Variants in ARMH3 observed in about 807,000 individuals in gnomAD.
ARMH3 encodes armadillo like helical domain containing 3.
A neutral mutation model predicts 99.1 loss-of-function variants in ARMH3; 60 were observed. The observed-to-expected ratio is 0.61, with a 90% CI of 0.49 to 0.75. The LOEUF is 0.75. ARMH3 is among the 30% of genes least tolerant of loss of function. The pLI is 0.00. For missense variants in ARMH3, 679 were observed against 843.1 expected (o/e 0.81, Z 2.41); for synonymous variants, 285 against 292.8 (o/e 0.97, Z 0.27).
At chr10:101,968,932 T>C (rs1232280838) in intron 20 of ARMH3, among the ~76,000 whole-genome samples, 3 of 152,188 alleles carry the variant, frequency 2.0e-5, no homozygotes, top group African/African-American at 2.4e-5. Flanking sequence ...TTGAGAGGAA[T>C]TGATCACCCA....
Position 101,935,789 on chromosome 10 carries a change from T to C in ARMH3, c.1781+4074A>G, listed in dbSNP as rs142689311. The stretch of plus-strand genomic sequence containing the variant: ...TTTTCAGGTGTGGGATCAGCACAAA[T>C]ACCTTTTATAAACAGCAGAAACAAA... On this transcript the variant is annotated intron_variant, in intron 23 of 25. Coordinates refer to ENST00000370033, the MANE Select transcript of ARMH3 (RefSeq NM_024541.3). Among the ~76,000 whole-genome samples, 116 of 152,320 alleles carry C rather than the reference T, an allele frequency of 7.6e-4. 2 individuals carry two copies. The highest frequency in any genetic ancestry group is 5.6e-3 in the Admixed American group (86 of 15,298).
intron 22 of ARMH3, among the ~76,000 whole-genome samples, chr10:101,946,983 T>C (rs139270603): frequency 0.059 from 8,852 of 149,960 alleles, 277 homozygotes; most frequent in African/African-American, 0.069. Context: ...AGGTCAGGAG[T>C]TCAAGACCAG....
chr10:101,945,919 C>T (rs974769931), intron 22 of ARMH3, among the ~76,000 whole-genome samples: 1 of 151,192 alleles, frequency 6.6e-6, no homozygotes. Flanking sequence ...CCCATCTCTA[C>T]TAAAATACAA....
chr10:101,951,867 CA>C (rs1248699204), intron 22 of ARMH3, among the ~76,000 whole-genome samples: 118 of 43,784 alleles, frequency 2.7e-3, no homozygotes, highest in Admixed American at 5.4e-3. Flanking sequence ...GACTCCGTCT[CA>C]AAAAAAAAAA....
At chr10:101,985,144 TATAA>T (rs1274049733) in intron 19 of ARMH3, among the ~76,000 whole-genome samples, 2 of 150,544 alleles carry the variant, frequency 1.3e-5, no homozygotes, top group East Asian at 3.9e-4. Context: ...TGTGTACATA[TATAA>T]ATATAATGTA....
chr10:101,959,282 T>C (rs1430680363), intron 20 of ARMH3, among the ~76,000 whole-genome samples: 1 of 152,156 alleles, frequency 6.6e-6, no homozygotes, highest in East Asian at 1.9e-4. Context: ...ACTTCCCTCC[T>C]TAAAGAAGAT....
intron 20 of ARMH3, among the ~76,000 whole-genome samples, chr10:101,966,208 C>A (rs1417232669): frequency 3.4e-5 from 5 of 146,814 alleles, no homozygotes; most frequent in African/African-American, 1.3e-4. Flanking sequence ...CGGGTTCAAG[C>A]GATTCTTGTG....
intron 23 of ARMH3, among the ~76,000 whole-genome samples, chr10:101,904,950 C>CAAAAA (rs34831483): frequency 3.3e-5 from 3 of 91,504 alleles, no homozygotes; most frequent in Admixed American, 1.2e-4. Flanking sequence ...GACTCCATCT[C>CAAAAA]AAAAAAAAAA....
chr10:101,985,180 GAATA>G (rs973243116), intron 19 of ARMH3, among the ~76,000 whole-genome samples: 15 of 142,820 alleles, frequency 1.1e-4, no homozygotes, highest in South Asian at 2.2e-4. Flanking sequence ...ACACATATAT[GAATA>G]TATATGTGTG....
chr10:101,912,782 A>G (rs1842923172), intron 23 of ARMH3, among the ~76,000 whole-genome samples: 1 of 152,208 alleles, frequency 6.6e-6, no homozygotes, highest in South Asian at 2.1e-4. Context: ...AGCATTAAAT[A>G]TGACAGCTTG....
chr10:101,856,043 T>C (rs539953211), intron 24 of ARMH3, among the ~76,000 whole-genome samples: 17 of 152,236 alleles, frequency 1.1e-4, no homozygotes, highest in Non-Finnish European at 1.0e-4. Context: ...AACTTGGCCT[T>C]CAGAGACCAA....
chr10:101,982,878 A>G (rs1347770705), intron 19 of ARMH3, among the ~76,000 whole-genome samples: 1 of 152,124 alleles, frequency 6.6e-6, no homozygotes, highest in Non-Finnish European at 1.5e-5. Context: ...ATTTCATTAT[A>G]TATTACGATG....
At chr10:102,021,676 T>C (rs1428241093) in intron 8 of ARMH3, among the ~76,000 whole-genome samples, 2 of 151,728 alleles carry the variant, frequency 1.3e-5, no homozygotes, top group Non-Finnish European at 2.9e-5. Flanking sequence ...GCCTCCCGAG[T>C]AGCTGGGACT....
At chr10:102,052,258 C>T (rs2067726041) in intron 1 of ARMH3, among the ~76,000 whole-genome samples, 1 of 152,172 alleles carries the variant, frequency 6.6e-6, no homozygotes, top group Admixed American at 6.5e-5. Context: ...CAGTCTCCCT[C>T]TGTTGCCCAA....
chr10:101,870,503 G>T (rs181728738), intron 24 of ARMH3, among the ~76,000 whole-genome samples: 11 of 152,224 alleles, frequency 7.2e-5, no homozygotes, highest in Non-Finnish European at 1.2e-4. Context: ...GTAAATAACA[G>T]AATTTAGGTG....
At chr10:101,867,157 A>G (rs2067023544) in intron 24 of ARMH3, among the ~76,000 whole-genome samples, 1 of 152,234 alleles carries the variant, frequency 6.6e-6, no homozygotes, top group Non-Finnish European at 1.5e-5. Flanking sequence ...CCTAGTTTTT[A>G]TCTTGCTAAT....
intron 2 of ARMH3, among the ~76,000 whole-genome samples, chr10:102,035,120 C>A (rs1005276668): frequency 1.3e-5 from 2 of 152,038 alleles, no homozygotes; most frequent in Admixed American, 6.6e-5. Context: ...CCTGTAATCC[C>A]AGCACTTTGG....
At chr10:102,005,137 C>T (rs1034732083) in intron 14 of ARMH3, among the ~76,000 whole-genome samples, 3 of 152,152 alleles carry the variant, frequency 2.0e-5, no homozygotes, top group African/African-American at 7.2e-5. Context: ...GTGGAGGTTG[C>T]GGTGAGCTGA....
chr10:102,007,792 C>T (rs2066536037), intron 13 of ARMH3, among the ~76,000 whole-genome samples: 1 of 143,226 alleles, frequency 7.0e-6, no homozygotes, highest in Admixed American at 7.2e-5. Context: ...GAGATCGTGC[C>T]ACTGCACTCC....
Sources: gnomAD v4.1 joint callset for allele counts (sites outside exome capture counted in the v4.1 genomes callset) on GRCh38, gnomAD v4.1.1 for gene constraint, MANE v1.5 for transcripts, NCBI Gene and HGNC (gene_info 2026-07-23, HGNC 2026-07-21) for gene names.